The following ST8SIA1 variants were observed in gnomAD, a reference collection of about 807,000 sequenced individuals.
The protein encoded by ST8SIA1 is ST8 alpha-N-acetyl-neuraminide alpha-2,8-sialyltransferase 1.
Under a neutral mutation model 35.9 loss-of-function variants are expected in ST8SIA1, and 16 were observed. The ratio of observed to expected loss-of-function variants is 0.45; its 90% CI spans 0.30 to 0.68. The LOEUF is 0.68. Among genes scored for constraint, ST8SIA1 ranks in the 30% least tolerant of loss-of-function variants. The pLI is 0.09. For synonymous variants in ST8SIA1, 170 were observed against 169.6 expected, an observed-to-expected ratio of 1.00 and a Z score of -0.02; for missense variants, 383 against 453.6, an observed-to-expected ratio of 0.84 and a Z score of 1.41.
At chr12:22,307,758 C>T (rs1866403078) in intron 1 of ST8SIA1, among the ~76,000 whole-genome samples, 1 of 152,102 alleles carries the variant, frequency 6.6e-6, no homozygotes, top group Admixed American at 6.6e-5. Context: ...TCTTCTCTTC[C>T]ACTATCTTCA....
chr12:22,267,107 G>A (rs754934537), intron 2 of ST8SIA1, among the ~76,000 whole-genome samples: 1 of 152,150 alleles, frequency 6.6e-6, no homozygotes, highest in Non-Finnish European at 1.5e-5. Context: ...CCATATACCA[G>A]TCACTGTATG....
At chr12:22,317,058 G>A (rs1039733959) in intron 1 of ST8SIA1, among the ~76,000 whole-genome samples, 29 of 152,114 alleles carry the variant, frequency 1.9e-4, no homozygotes, top group African/African-American at 6.8e-4. Context: ...ACTCTGTGGA[G>A]ATAATTGCAG....
At chr12:22,268,486 T>A (rs1470381951) in intron 2 of ST8SIA1, 1 of 152,130 alleles carries the variant, frequency 6.6e-6, no homozygotes, top group Non-Finnish European at 1.5e-5. Context: ...GGGTAATTTA[T>A]AAAGAAAGAG....
chr12:22,257,353 A>G (rs147892767), intron 2 of ST8SIA1, among the ~76,000 whole-genome samples: 1,675 of 149,872 alleles, frequency 0.011, 10 homozygotes, highest in Non-Finnish European at 0.018. Context: ...CTAGGATTAC[A>G]GGTACACGTT....
chr12:22,237,737 TGTACA>T (rs1174174314), intron 4 of ST8SIA1, among the ~76,000 whole-genome samples: 2 of 151,902 alleles, frequency 1.3e-5, no homozygotes, highest in East Asian at 3.9e-4. Flanking sequence ...AATATATTTG[TGTACA>T]GTAGAGTTTT....
At chr12:22,304,203 C>A (rs147929619) in intron 1 of ST8SIA1, among the ~76,000 whole-genome samples, 211 of 152,170 alleles carry the variant, frequency 1.4e-3, no homozygotes, top group African/African-American at 4.8e-3. Flanking sequence ...TTTTAAGGAG[C>A]TCAGTGGTTA....
chr12:22,221,982 A>G (rs74433327), intron 4 of ST8SIA1, among the ~76,000 whole-genome samples: 7,848 of 152,288 alleles, frequency 0.052, 310 homozygotes, highest in Middle Eastern at 0.092. Context: ...TGGAAAAGAA[A>G]GTTAAAAAAA....
chr12:22,206,709 T>C (rs1865114212), intron 4 of ST8SIA1, among the ~76,000 whole-genome samples: 1 of 152,134 alleles, frequency 6.6e-6, no homozygotes, highest in African/African-American at 2.4e-5. Context: ...AACCCACCTG[T>C]TGACAGGTGC....
At chr12:22,203,797 C>T (rs914227435) in intron 4 of ST8SIA1, among the ~76,000 whole-genome samples, 1 of 152,120 alleles carries the variant, frequency 6.6e-6, no homozygotes, top group Non-Finnish European at 1.5e-5. Flanking sequence ...GGCACTAATG[C>T]TTTCCCAATC....
chr12:22,327,008 C>G (rs1395854232), intron 1 of ST8SIA1, among the ~76,000 whole-genome samples: 1 of 152,142 alleles, frequency 6.6e-6, no homozygotes, highest in Admixed American at 6.5e-5. Flanking sequence ...TTTCCTAAAA[C>G]ACTTTGCTCT....
rs138487826 is a variant in ST8SIA1 at position 22,202,251 on chromosome 12, G to A, written c.585-213C>T. Among the ~76,000 whole-genome samples the A allele has an allele frequency of 1.4e-3, 211 of 152,144 alleles. 1 individual carries two copies. The highest frequency in any genetic ancestry group is 4.9e-3 in the African/African-American group (203 of 41,530). ...TTCCCTGACCCCAACTTCTTAAAACGCAGTTAACATTTGTTAATGGGGCTC... is the reference window on the plus strand; with the variant it reads ...TTCCCTGACCCCAACTTCTTAAAACACAGTTAACATTTGTTAATGGGGCTC... On this transcript the variant is annotated intron_variant, in intron 4 of 4. Transcript: ENST00000396037.
intron 4 of ST8SIA1, among the ~76,000 whole-genome samples, chr12:22,234,975 C>A (rs1865459795): frequency 6.6e-6 from 1 of 152,120 alleles, no homozygotes; most frequent in Admixed American, 6.5e-5. Flanking sequence ...TATATTCTGA[C>A]CTTGTCAACA....
intron 2 of ST8SIA1, among the ~76,000 whole-genome samples, chr12:22,279,598 G>C (rs1288748181): frequency 6.6e-6 from 1 of 152,180 alleles, no homozygotes; most frequent in African/African-American, 2.4e-5. Flanking sequence ...GGATCTCTGG[G>C]TATAGCTCCA....
At chr12:22,284,141 C>T (rs11834129) in intron 2 of ST8SIA1, among the ~76,000 whole-genome samples, 41,865 of 151,884 alleles carry the variant, frequency 0.28, 5,919 homozygotes, top group Middle Eastern at 0.38. Flanking sequence ...ACCAGAGCAT[C>T]TCCCTTCTTA....
intron 1 of ST8SIA1, among the ~76,000 whole-genome samples, chr12:22,333,525 A>G (rs773551706): frequency 6.6e-6 from 1 of 152,242 alleles, no homozygotes; most frequent in Non-Finnish European, 1.5e-5. Context: ...GGATCCGTCC[A>G]TGTTTCCACT....
intron 1 of ST8SIA1, among the ~76,000 whole-genome samples, chr12:22,306,238 A>G (rs1401536549): frequency 1.3e-5 from 2 of 152,200 alleles, no homozygotes; most frequent in African/African-American, 4.8e-5. Flanking sequence ...CACCTTGGGC[A>G]CATGTCGTCA....
At chr12:22,291,091 A>T (rs933369402) in intron 1 of ST8SIA1, among the ~76,000 whole-genome samples, 3 of 152,204 alleles carry the variant, frequency 2.0e-5, no homozygotes, top group Admixed American at 1.3e-4. Flanking sequence ...CACTGGCTAG[A>T]ACATCACTCA....
At chr12:22,316,211 T>C (rs1398531553) in intron 1 of ST8SIA1, among the ~76,000 whole-genome samples, 1 of 152,046 alleles carries the variant, frequency 6.6e-6, no homozygotes, top group Non-Finnish European at 1.5e-5. Context: ...TATGACACAA[T>C]AGCACAGAAA....
chr12:22,252,428 T>C (rs1865682574), intron 3 of ST8SIA1, among the ~76,000 whole-genome samples: 1 of 152,242 alleles, frequency 6.6e-6, no homozygotes, highest in South Asian at 2.1e-4. Context: ...GATCTGCAAA[T>C]GGTCAAATAA....
Sources: gnomAD v4.1 joint callset for allele counts (sites outside exome capture counted in the v4.1 genomes callset) on GRCh38, gnomAD v4.1.1 for gene constraint, MANE v1.5 for transcripts, NCBI Gene and HGNC (gene_info 2026-07-23, HGNC 2026-07-21) for gene names.